KCNH8: variants seen among roughly 807,000 people sequenced by gnomAD.
The protein encoded by KCNH8 is potassium voltage-gated channel subfamily H member 8.
In KCNH8, 70 loss-of-function variants were observed where a neutral mutation model predicts 103.6. The ratio of observed to expected loss-of-function variants is 0.68; its 90% CI spans 0.56 to 0.82. The LOEUF (loss-of-function observed/expected upper bound fraction) is 0.82, where lower values mean the gene tolerates loss of function less well. Ranked by LOEUF, KCNH8 falls within the 40% of genes least tolerant of loss-of-function variation. KCNH8 has a pLI of 0.00. For synonymous variants in KCNH8, 498 were observed against 489.4 expected (o/e 1.02, Z -0.23); for missense variants, 1,217 against 1,329.9 (o/e 0.92, Z 1.32).
chr3:19,173,871 A>C (rs1394400972), intron 1 of KCNH8, among the ~76,000 whole-genome samples: 1 of 151,942 alleles, frequency 6.6e-6, no homozygotes, highest in African/African-American at 2.4e-5. Context: ...TCATCTAAGC[A>C]TAAATTCTTG....
At chr3:19,485,402 C>T (rs936651291) in intron 11 of KCNH8, among the ~76,000 whole-genome samples, 2 of 152,198 alleles carry the variant, frequency 1.3e-5, no homozygotes, top group Non-Finnish European at 2.9e-5. Context: ...GGCTTTGCCT[C>T]ACATTGTGCT....
chr3:19,220,078 A>C (rs185947372), intron 1 of KCNH8, among the ~76,000 whole-genome samples: 73 of 152,280 alleles, frequency 4.8e-4, no homozygotes, highest in Non-Finnish European at 3.2e-4. Flanking sequence ...TCCCAGCAGA[A>C]CTGCTGAGCT....
chr3:19,461,418 A>C (rs2067625941), intron 11 of KCNH8, among the ~76,000 whole-genome samples: 1 of 152,158 alleles, frequency 6.6e-6, no homozygotes, highest in Admixed American at 6.6e-5. Flanking sequence ...TGATGATTAC[A>C]TTATGGATTC....
At chr3:19,529,435 G>C (rs1371223250) in intron 15 of KCNH8, among the ~76,000 whole-genome samples, 1 of 152,144 alleles carries the variant, frequency 6.6e-6, no homozygotes. Context: ...TGAGTGGACA[G>C]AGCTTTGTTC....
At chr3:19,483,236 T>G (rs1307655201) in intron 11 of KCNH8, among the ~76,000 whole-genome samples, 1 of 152,138 alleles carries the variant, frequency 6.6e-6, no homozygotes, top group Non-Finnish European at 1.5e-5. Flanking sequence ...GTGGGGGCTG[T>G]CCAGTCCTGG....
chr3:19,394,545 C>T (rs1025253956), intron 6 of KCNH8, among the ~76,000 whole-genome samples: 4 of 151,812 alleles, frequency 2.6e-5, no homozygotes, highest in South Asian at 2.1e-4. Flanking sequence ...CCATTGATAA[C>T]GTTGGAAGTA....
Position 19,384,968 on chromosome 3 carries a change from G to A in KCNH8, c.812-5513G>A, listed in dbSNP as rs147858051. ...CCAAATCCTTCCTTTCTTCGATGAGGCTTTTGTGAAAACCACCAAACTAGA... is the reference window on the plus strand; with the variant it reads ...CCAAATCCTTCCTTTCTTCGATGAGACTTTTGTGAAAACCACCAAACTAGA... On this transcript the variant is annotated intron_variant, in intron 5 of 15. Coordinates refer to ENST00000328405, the MANE Select transcript of KCNH8 (RefSeq NM_144633.3). Among the ~76,000 whole-genome samples the A allele has an allele frequency of 4.4e-3, 675 of 152,200 alleles. 8 individuals are homozygous for A. The highest frequency in any genetic ancestry group is 0.015 in the African/African-American group (614 of 41,552).
At chr3:19,492,158 T>C (rs769654302) in intron 11 of KCNH8, among the ~76,000 whole-genome samples, 15 of 152,128 alleles carry the variant, frequency 9.9e-5, no homozygotes, top group Non-Finnish European at 1.6e-4. Flanking sequence ...TCTTTTGTTA[T>C]GCAGAAGCTC....
chr3:19,341,207 T>C (rs1436625835), intron 3 of KCNH8, among the ~76,000 whole-genome samples: 1 of 152,128 alleles, frequency 6.6e-6, no homozygotes, highest in African/African-American at 2.4e-5. Context: ...TTACCAGTAG[T>C]GCATTGCCAG....
At chr3:19,169,020 C>A (rs544061614) in intron 1 of KCNH8, among the ~76,000 whole-genome samples, 1 of 152,132 alleles carries the variant, frequency 6.6e-6, no homozygotes, top group Admixed American at 6.5e-5. Flanking sequence ...GGAAGGAATT[C>A]TGTGGCTGAA....
intron 11 of KCNH8, among the ~76,000 whole-genome samples, chr3:19,473,621 A>G (rs1002401343): frequency 7.9e-5 from 12 of 152,174 alleles, no homozygotes; most frequent in Non-Finnish European, 1.6e-4. Context: ...AAAAAACAGT[A>G]TTTTACTTTC....
At chr3:19,405,954 TCATTA>T (rs1161818148) in intron 7 of KCNH8, among the ~76,000 whole-genome samples, 1 of 152,068 alleles carries the variant, frequency 6.6e-6, no homozygotes, top group Non-Finnish European at 1.5e-5. Flanking sequence ...GTTTTATGTT[TCATTA>T]GATTATTTCA....
In KCNH8 at chr3:19,400,582, C is replaced by G. The variant is rs547690209; in HGVS notation, c.1177+5271C>G. Among the ~76,000 whole-genome samples, 7 of 151,978 alleles carry G rather than the reference C, an allele frequency of 4.6e-5. No homozygotes were observed. The South Asian group carries it at 1.5e-3, about 32-fold the overall frequency. On this transcript the variant is annotated intron_variant, in intron 7 of 15. Transcript: ENST00000328405. ...TCTCTTACCCTTTGGCTGGAGCAAGCGTATCCATTGCAGATGCCTAAAAGT... is the reference window on the plus strand; with the variant it reads ...TCTCTTACCCTTTGGCTGGAGCAAGGGTATCCATTGCAGATGCCTAAAAGT...
At chr3:19,502,367 A>G (rs1391753464) in intron 11 of KCNH8, among the ~76,000 whole-genome samples, 1 of 150,180 alleles carries the variant, frequency 6.7e-6, no homozygotes, top group East Asian at 2.0e-4. Flanking sequence ...TTACAGATTC[A>G]ATGCCATCCC....
chr3:19,513,250 A>C lies in KCNH8; in HGVS notation c.2360A>C (p.Asn787Thr). Residue 787 changes from asparagine to threonine, a missense_variant, in exon 13 of 16, where the codon AAT becomes ACT. Physicochemically the swap from Asn to Thr is moderately conservative, Grantham distance 65 (BLOSUM62 0). Transcript: ENST00000328405. ...TKQEIDPPNH[N>T]KRKEKNLKLQ... ...CAGGAAATTGACCCCCCCAACCATA[A>C]TAAAAGGAAAGAGAAGAACTTGAAA... 1 of 1,613,564 alleles carries C rather than the reference A, an allele frequency of 6.2e-7. No homozygotes were observed. Among genetic ancestry groups the C allele is most frequent in the East Asian group, 2.2e-5 (1 of 44,868 alleles).
At chr3:19,342,138 A>G (rs926869132) in intron 3 of KCNH8, among the ~76,000 whole-genome samples, 4 of 152,144 alleles carry the variant, frequency 2.6e-5, no homozygotes, top group Non-Finnish European at 5.9e-5. Context: ...AAGTATTTTA[A>G]TGTGAAAAAA....
At chr3:19,153,620 T>TTTTCTTTC (rs1208824260) in intron 1 of KCNH8, among the ~76,000 whole-genome samples, 11 of 151,204 alleles carry the variant, frequency 7.3e-5, no homozygotes, top group African/African-American at 2.7e-4. Context: ...TTTTCTTTTC[T>TTTTCTTTC]TTTCTTTCTT....
chr3:19,386,035 TCTA>T (rs2066351562), intron 5 of KCNH8, among the ~76,000 whole-genome samples: 2 of 152,148 alleles, frequency 1.3e-5, no homozygotes, highest in African/African-American at 2.4e-5. Flanking sequence ...AGAAAAGAAA[TCTA>T]CTAATTTTTG....
intron 7 of KCNH8, among the ~76,000 whole-genome samples, chr3:19,431,020 T>G (rs1307430516): frequency 6.6e-6 from 1 of 152,156 alleles, no homozygotes; most frequent in East Asian, 1.9e-4. Flanking sequence ...TCCAATAATA[T>G]GTTGAATAGG....
Sources: allele counts gnomAD v4.1 joint callset (sites outside exome capture counted in the v4.1 genomes callset), GRCh38; gene constraint gnomAD v4.1.1; transcripts MANE v1.5; gene names NCBI Gene and HGNC (gene_info 2026-07-23, HGNC 2026-07-21).